Variants in SPIDR observed in about 807,000 individuals in gnomAD.
SPIDR encodes DNA repair-scaffolding protein.
A neutral mutation model predicts 104.6 loss-of-function variants in SPIDR; 93 were observed. The ratio of observed to expected loss-of-function variants is 0.89; its 90% CI spans 0.75 to 1.06. The LOEUF (loss-of-function observed/expected upper bound fraction) is 1.06. Among genes scored for constraint, SPIDR ranks in the 50% least tolerant of loss-of-function variants. SPIDR has a pLI of 0.00. For synonymous variants in SPIDR, 431 were observed against 416.9 expected (o/e 1.03, Z -0.41); for missense variants, 1,154 against 1,111.2 (o/e 1.04, Z -0.55).
intron 3 of SPIDR, among the ~76,000 whole-genome samples, chr8:47,288,996 T>A (rs1193144444): frequency 6.6e-6 from 1 of 152,158 alleles, no homozygotes; most frequent in Non-Finnish European, 1.5e-5. Context: ...ATATTCCTTG[T>A]GGGAAGGAGC....
chr8:47,271,932 C>G (rs1183777029), intron 1 of SPIDR, among the ~76,000 whole-genome samples: 1 of 152,062 alleles, frequency 6.6e-6, no homozygotes, highest in Non-Finnish European at 1.5e-5. Context: ...TCCTGAGTAG[C>G]TGGGATTACA....
At chr8:47,466,948 G>GATAGATAGAT (rs1554717789) in intron 8 of SPIDR, among the ~76,000 whole-genome samples, 1 of 133,462 alleles carries the variant, frequency 7.5e-6, no homozygotes, top group African/African-American at 2.9e-5. Flanking sequence ...TAGATAGATA[G>GATAGATAGAT]ATATAAAAAA....
chr8:47,689,148 C>T (rs532423331), intron 11 of SPIDR, among the ~76,000 whole-genome samples: 8 of 152,278 alleles, frequency 5.3e-5, no homozygotes, highest in South Asian at 4.1e-4. Flanking sequence ...GGAGGGGGAG[C>T]GGATAGCATT....
intron 8 of SPIDR, among the ~76,000 whole-genome samples, chr8:47,552,598 T>G (rs1371294120): frequency 6.6e-6 from 1 of 152,164 alleles, no homozygotes; most frequent in Non-Finnish European, 1.5e-5. Context: ...TTTTTTTTTG[T>G]TTTCCATTTG....
At chr8:47,684,014 T>A (rs2077425284) in intron 11 of SPIDR, among the ~76,000 whole-genome samples, 1 of 150,318 alleles carries the variant, frequency 6.7e-6, no homozygotes, top group Non-Finnish European at 1.5e-5. Context: ...TACTCCCAGC[T>A]ACTCAGTAGG....
intron 8 of SPIDR, among the ~76,000 whole-genome samples, chr8:47,491,839 A>T (rs1304522432): frequency 6.6e-6 from 1 of 151,960 alleles, no homozygotes; most frequent in Non-Finnish European, 1.5e-5. Flanking sequence ...ACATAGTGAG[A>T]CCCTGTCTCT....
chr8:47,345,819 C>A (rs1554617613), intron 5 of SPIDR, among the ~76,000 whole-genome samples: 2 of 152,032 alleles, frequency 1.3e-5, no homozygotes, highest in Non-Finnish European at 2.9e-5. Context: ...ATTTTGTATC[C>A]CGAGACTTTG....
chr8:47,445,243 A>G (rs184650883), intron 8 of SPIDR, among the ~76,000 whole-genome samples: 4 of 152,218 alleles, frequency 2.6e-5, no homozygotes, highest in Non-Finnish European at 4.4e-5. Flanking sequence ...ACCTGTCTCT[A>G]TATCACATTT....
chr8:47,509,384 A>G (rs576997294), intron 8 of SPIDR, among the ~76,000 whole-genome samples: 3 of 152,268 alleles, frequency 2.0e-5, no homozygotes, highest in East Asian at 3.9e-4. Flanking sequence ...CCCTAAGTCT[A>G]TATTTCTACA....
chr8:47,331,965 C>CTTTTTTTTTTTTTTTT (rs1183447584), intron 5 of SPIDR, among the ~76,000 whole-genome samples: 26 of 32,704 alleles, frequency 8.0e-4, no homozygotes, highest in Non-Finnish European at 1.0e-3. Flanking sequence ...TTTTTTTAAA[C>CTTTTTTTTTTTTTTTT]TTTTTTTTTT....
At chr8:47,403,124 G>T (rs1554664562) in intron 6 of SPIDR, among the ~76,000 whole-genome samples, 1 of 152,182 alleles carries the variant, frequency 6.6e-6, no homozygotes, top group Non-Finnish European at 1.5e-5. Flanking sequence ...CTCAATAGAT[G>T]CAGAAAAGGC....
intron 5 of SPIDR, among the ~76,000 whole-genome samples, chr8:47,381,500 C>T (rs1483881523): frequency 6.6e-6 from 1 of 152,170 alleles, no homozygotes; most frequent in African/African-American, 2.4e-5. Flanking sequence ...TTGTTCTTTC[C>T]TTATGGTGCT....
At chr8:47,602,937 G>A (rs2062469798) in intron 10 of SPIDR, among the ~76,000 whole-genome samples, 1 of 152,142 alleles carries the variant, frequency 6.6e-6, no homozygotes, top group African/African-American at 2.4e-5. Flanking sequence ...TAATGAAAAC[G>A]TTTCTGTGAG....
At chr8:47,324,415 A>G (rs893983325) in intron 5 of SPIDR, among the ~76,000 whole-genome samples, 19 of 151,826 alleles carry the variant, frequency 1.3e-4, no homozygotes, top group Admixed American at 2.6e-4. Context: ...AGATGTCTAC[A>G]TTTAAATAAA....
chr8:47,320,098 A>G (rs1220274204), intron 5 of SPIDR, among the ~76,000 whole-genome samples: 1 of 152,220 alleles, frequency 6.6e-6, no homozygotes, highest in African/African-American at 2.4e-5. Context: ...AACTAAGATC[A>G]GAGCAGAACT....
At chr8:47,580,738 A>G (rs1281000166) in intron 8 of SPIDR, among the ~76,000 whole-genome samples, 4 of 152,174 alleles carry the variant, frequency 2.6e-5, no homozygotes, top group Non-Finnish European at 5.9e-5. Context: ...GGTCTGGTTT[A>G]TCTGTTTCAA....
chr8:47,406,270 G>T (rs1364711997), intron 6 of SPIDR, among the ~76,000 whole-genome samples: 1 of 152,120 alleles, frequency 6.6e-6, no homozygotes, highest in Non-Finnish European at 1.5e-5. Flanking sequence ...TTGAACTCTG[G>T]AACCAGACTG....
chr8:47,697,897 T>C (rs1451132129), intron 11 of SPIDR: 2 of 152,264 alleles, frequency 1.3e-5, no homozygotes, highest in African/African-American at 4.8e-5. Context: ...CTGGGTGAGC[T>C]GCTGACTGCT....
chr8:47,391,264 G>A (rs947482302), intron 5 of SPIDR, among the ~76,000 whole-genome samples: 3 of 152,162 alleles, frequency 2.0e-5, no homozygotes, highest in Non-Finnish European at 2.9e-5. Flanking sequence ...TGGGCCGGGT[G>A]CAGCAGCTCA....
Sources: allele counts gnomAD v4.1 joint callset (sites outside exome capture counted in the v4.1 genomes callset), GRCh38; gene constraint gnomAD v4.1.1; transcripts MANE v1.5; gene names NCBI Gene and HGNC (gene_info 2026-07-23, HGNC 2026-07-21).